BRINP3: variants seen among roughly 807,000 people sequenced by gnomAD.
The protein encoded by BRINP3 is BMP/retinoic acid-inducible neural-specific protein 3.
BRINP3 carries 19 observed loss-of-function variants against 71.0 expected under a neutral mutation model. The ratio of observed to expected loss-of-function variants is 0.27; its 90% CI spans 0.19 to 0.39. BRINP3 has a LOEUF of 0.39. Among genes scored for constraint, BRINP3 ranks in the 10% least tolerant of loss-of-function variants. The pLI is 1.00. For synonymous variants in BRINP3, 380 were observed against 337.7 expected, an observed-to-expected ratio of 1.13 and a Z score of -1.37; for missense variants, 959 against 940.8, an observed-to-expected ratio of 1.02 and a Z score of -0.25.
In BRINP3 at chr1:190,160,731, T is replaced by C; in HGVS notation, c.1121A>G (p.His374Arg). ...CCTCTTGCTAAGGCTAAAAAGCTTG[T>C]GTACAATTTTCTGCGCCTTTAGGAA... ...QLFLKAQKIV[H>R]KLFSLSKRCH... Residue 374 changes from histidine (H) to arginine (R), a missense_variant, in exon 7 of 8, where the codon CAC (histidine) becomes CGC (arginine). Transcript: ENST00000367462. 6.2e-7 allele frequency: 1 copy of C among 1,613,624 alleles called. No individual in the cohort carries two copies. The highest frequency in any genetic ancestry group is 1.1e-5 in the South Asian group (1 of 91,068).
At chr1:190,387,656 T>C (rs900264691) in intron 2 of BRINP3, among the ~76,000 whole-genome samples, 12 of 151,812 alleles carry the variant, frequency 7.9e-5, no homozygotes, top group African/African-American at 2.7e-4. Context: ...ATTTTTCCGG[T>C]TGCTTTTCCT....
chr1:190,438,880 T>C (rs1373780807), intron 2 of BRINP3, among the ~76,000 whole-genome samples: 2 of 151,930 alleles, frequency 1.3e-5, no homozygotes, highest in African/African-American at 4.8e-5. Context: ...ATCACCTCTA[T>C]TGTGGAAGTT....
intron 7 of BRINP3, among the ~76,000 whole-genome samples, chr1:190,102,027 A>G (rs1211439414): frequency 3.3e-5 from 5 of 152,112 alleles, no homozygotes; most frequent in Non-Finnish European, 2.9e-5. Flanking sequence ...AAGCTCTGGT[A>G]CCCTGGGACT....
chr1:190,412,461 T>G (rs12026043), intron 2 of BRINP3, among the ~76,000 whole-genome samples: 42,372 of 139,120 alleles, frequency 0.3, 6,703 homozygotes, highest in East Asian at 0.35. Context: ...GTTTTGTTTT[T>G]TTTTGTTTTT....
At chr1:190,349,416 TC>T (rs1397628385) in intron 2 of BRINP3, among the ~76,000 whole-genome samples, 1 of 152,096 alleles carries the variant, frequency 6.6e-6, no homozygotes, top group Non-Finnish European at 1.5e-5. Context: ...TTTTGAAGTA[TC>T]TTGAGGTGAA....
chr1:190,104,736 A>G (rs547166492), intron 7 of BRINP3, among the ~76,000 whole-genome samples: 122 of 152,204 alleles, frequency 8.0e-4, no homozygotes, highest in African/African-American at 2.7e-3. Context: ...CTAGATGTGT[A>G]ACGCTTTTCA....
chr1:190,383,258 TAAAGCC>T (rs1670667186), intron 2 of BRINP3, among the ~76,000 whole-genome samples: 1 of 152,090 alleles, frequency 6.6e-6, no homozygotes, highest in Admixed American at 6.6e-5. Flanking sequence ...AAGATAGCAA[TAAAGCC>T]TGATTTATTA....
In BRINP3 at chr1:190,454,739, T is replaced by A; in HGVS notation, c.152A>T (p.Lys51Met). Residue 51 changes from lysine (K) to methionine (M), a missense_variant, in exon 2 of 8, where the codon AAG becomes ATG. Transcript: ENST00000367462. Reference sequence around the variant, plus strand: ...TTCCTGTGAGCGATGGAAGGGTCCCTTATCAGAGAGGAGCCAGTCGAAGGG... The same window carrying A: ...TTCCTGTGAGCGATGGAAGGGTCCCATATCAGAGAGGAGCCAGTCGAAGGG... ...TSPFDWLLSD[K>M]GPFHRSQEYT... 1 of 1,614,194 alleles carries A rather than the reference T, an allele frequency of 6.2e-7. No individual in the cohort carries two copies. Among genetic ancestry groups the A allele is most frequent in the Non-Finnish European group, 8.5e-7 (1 of 1,180,036 alleles).
chr1:190,247,325 T>C (rs1040106584), intron 4 of BRINP3, among the ~76,000 whole-genome samples: 1 of 151,896 alleles, frequency 6.6e-6, no homozygotes, highest in African/African-American at 2.4e-5. Flanking sequence ...TTTACAAATA[T>C]GCATTTTTGT....
chr1:190,325,832 T>C (rs1040532751), intron 2 of BRINP3, among the ~76,000 whole-genome samples: 2 of 152,128 alleles, frequency 1.3e-5, no homozygotes, highest in African/African-American at 2.4e-5. Context: ...ATTTGTCATT[T>C]TCACATGTTG....
At chr1:190,280,480 T>A (rs555099979) in intron 3 of BRINP3, among the ~76,000 whole-genome samples, 5 of 151,846 alleles carry the variant, frequency 3.3e-5, no homozygotes, top group African/African-American at 9.6e-5. Flanking sequence ...AAAATGATGA[T>A]GTCTTGGTCT....
intron 7 of BRINP3, among the ~76,000 whole-genome samples, chr1:190,143,306 G>C (rs1655613439): frequency 6.6e-6 from 1 of 152,092 alleles, no homozygotes. Flanking sequence ...GTTAGGCCAA[G>C]ACAAATAATA....
At chr1:190,293,878 T>C (rs1325063635) in intron 2 of BRINP3, among the ~76,000 whole-genome samples, 3 of 152,180 alleles carry the variant, frequency 2.0e-5, no homozygotes, top group Non-Finnish European at 4.4e-5. Context: ...GAATATATAT[T>C]TCCACCTCTT....
chr1:190,333,469 G>A (rs1046301200), intron 2 of BRINP3, among the ~76,000 whole-genome samples: 4 of 151,546 alleles, frequency 2.6e-5, no homozygotes, highest in African/African-American at 9.7e-5. Context: ...AGTAAATGAA[G>A]CATATGCACA....
chr1:190,418,203 C>A (rs12078989), intron 2 of BRINP3, among the ~76,000 whole-genome samples: 2,575 of 152,132 alleles, frequency 0.017, 64 homozygotes, highest in African/African-American at 0.054. Context: ...TTTAGCCCCC[C>A]ACCATGCCTG....
chr1:190,463,617 T>G (rs1163483982), intron 1 of BRINP3, among the ~76,000 whole-genome samples: 1 of 151,826 alleles, frequency 6.6e-6, no homozygotes, highest in African/African-American at 2.4e-5. Flanking sequence ...AAACACAGAT[T>G]TTCATTTTTG....
chr1:190,265,562 A>ATATATG (rs397793178), intron 3 of BRINP3, among the ~76,000 whole-genome samples: 1 of 147,754 alleles, frequency 6.8e-6, no homozygotes, highest in South Asian at 2.1e-4. Context: ...ATATATATAT[A>ATATATG]AATTAGCCGG....
chr1:190,321,817 T>C (rs1004220028), intron 2 of BRINP3, among the ~76,000 whole-genome samples: 2 of 152,078 alleles, frequency 1.3e-5, no homozygotes, highest in Non-Finnish European at 2.9e-5. Context: ...GTTTTTACCT[T>C]GTGGTATGCA....
chr1:190,260,569 G>A lies in BRINP3; in HGVS notation c.618+4296C>T, dbSNP rs1357875024. Among the ~76,000 whole-genome samples the A allele has an allele frequency of 2.0e-5, 3 of 150,402 alleles. No individual in the cohort carries two copies. The East Asian group carries it at 5.9e-4, about 29-fold the overall frequency. On this transcript the variant is annotated intron_variant, in intron 4 of 7. Coordinates refer to ENST00000367462, the MANE Select transcript of BRINP3 (RefSeq NM_199051.3). Reference sequence around the variant, plus strand: ...ACATATATATATATAGAGAGAGAGAGGTAAAATTAAAAATAAATATATTAT... The same window carrying A: ...ACATATATATATATAGAGAGAGAGAAGTAAAATTAAAAATAAATATATTAT...
Sources: gnomAD v4.1 joint callset for allele counts (sites outside exome capture counted in the v4.1 genomes callset) on GRCh38, gnomAD v4.1.1 for gene constraint, MANE v1.5 for transcripts, NCBI Gene and HGNC (gene_info 2026-07-23, HGNC 2026-07-21) for gene names.